Variants in CREBBP observed in about 807,000 individuals in gnomAD.
CREBBP encodes the protein CREB-binding protein.
Under a neutral mutation model 265.0 loss-of-function variants are expected in CREBBP, and 19 were observed. That is an observed-to-expected ratio of 0.07 (90% CI 0.05 to 0.11). CREBBP has a LOEUF of 0.11. CREBBP is among the 10% of genes least tolerant of loss of function. CREBBP has a pLI of 1.00. For synonymous variants in CREBBP, 1,457 were observed against 1,223.7 expected, an observed-to-expected ratio of 1.19 and a Z score of -3.98; for missense variants, 2,525 against 3,219.0, an observed-to-expected ratio of 0.78 and a Z score of 5.22.
chr16:3,879,710 T>C (rs2141614911), intron 1 of CREBBP, 122 bp downstream of exon 1: 1 of 1,057,704 alleles, frequency 9.5e-7, no homozygotes, highest in South Asian at 1.3e-5. Context: ...GGGAACGGGC[T>C]GCGGGGCCTG....
At chr16:3,741,520 T>C (rs573816393) in intron 23 of CREBBP, 3 of 152,354 alleles carry the variant, frequency 2.0e-5, no homozygotes, top group East Asian at 3.9e-4. Flanking sequence ...AAAAGAAAAA[T>C]GTGGCCGGGC....
intron 16 of CREBBP, among the ~76,000 whole-genome samples, chr16:3,761,990 G>A (rs2052730496): frequency 6.6e-6 from 1 of 152,194 alleles, no homozygotes; most frequent in East Asian, 1.9e-4. Flanking sequence ...ATTTCACATT[G>A]TTTAATGTTT....
At chr16:3,810,473 A>C in intron 3 of CREBBP, 130 bp downstream of exon 3, 1 of 1,059,774 alleles carries the variant, frequency 9.4e-7, no homozygotes, top group Non-Finnish European at 1.5e-6. Flanking sequence ...ACTCATGAGA[A>C]ATCTGGGTTC....
At chr16:3,757,181 G>T in intron 19 of CREBBP, 107 bp downstream of exon 19, 2 of 987,304 alleles carry the variant, frequency 2.0e-6, no homozygotes, top group Non-Finnish European at 3.2e-6. Flanking sequence ...GCCTGAAATT[G>T]GGCCACTTTT....
intron 16 of CREBBP, chr16:3,761,441 A>G (rs1262238448): frequency 2.1e-6 from 1 of 476,790 alleles, no homozygotes; most frequent in Non-Finnish European, 4.1e-6. Flanking sequence ...TCTGATTCCT[A>G]ACTGGTGAAA....
intron 3 of CREBBP, among the ~76,000 whole-genome samples, chr16:3,801,613 T>A (rs990153495): frequency 5.9e-5 from 9 of 152,036 alleles, no homozygotes; most frequent in African/African-American, 2.2e-4. Context: ...GAGGCGTCAG[T>A]GAGCAGAGAT....
chr16:3,827,676 C>G (rs1470818629), intron 2 of CREBBP, among the ~76,000 whole-genome samples: 2 of 152,132 alleles, frequency 1.3e-5, no homozygotes, highest in Non-Finnish European at 2.9e-5. Flanking sequence ...CAGGCATAAG[C>G]CACCATGCCT....
At chr16:3,738,255 T>C (rs189681797) in intron 26 of CREBBP, among the ~76,000 whole-genome samples, 1 of 150,050 alleles carries the variant, frequency 6.7e-6, no homozygotes, top group Non-Finnish European at 1.5e-5. Context: ...TAAAAACCAC[T>C]GAATCATATA....
intron 3 of CREBBP, among the ~76,000 whole-genome samples, chr16:3,805,775 G>A (rs1460733458): frequency 2.0e-5 from 3 of 152,168 alleles, no homozygotes; most frequent in Non-Finnish European, 4.4e-5. Flanking sequence ...CAATGCCAAT[G>A]GCTCATGGTG....
intron 3 of CREBBP, among the ~76,000 whole-genome samples, chr16:3,801,510 A>C (rs1465960169): frequency 6.6e-6 from 1 of 152,086 alleles, no homozygotes; most frequent in Admixed American, 6.5e-5. Context: ...TTCTACTAAA[A>C]ATATAAAAAA....
chr16:3,834,974 C>T (rs2054414724), intron 2 of CREBBP, among the ~76,000 whole-genome samples: 1 of 152,068 alleles, frequency 6.6e-6, no homozygotes, highest in Non-Finnish European at 1.5e-5. Context: ...CTGGCTAACA[C>T]GGTGAAACCC....
chr16:3,876,399 CAAAA>C (rs71133663), intron 1 of CREBBP, among the ~76,000 whole-genome samples: 1 of 18,164 alleles, frequency 5.5e-5, no homozygotes, highest in African/African-American at 1.8e-4. Context: ...TAAAGCTGAC[CAAAA>C]AAAAAAAAAA....
intron 3 of CREBBP, among the ~76,000 whole-genome samples, chr16:3,796,107 T>G (rs1273651719): frequency 6.6e-6 from 1 of 152,208 alleles, no homozygotes; most frequent in Non-Finnish European, 1.5e-5. Flanking sequence ...GTCCTCTCAC[T>G]GTGTCTTAAA....
At position 3,782,705 on chromosome 16, in the gene CREBBP, TCTG is replaced by T; in HGVS notation, c.1549_1551del (p.Gln517del). The T allele has an allele frequency of 2.5e-6, 4 of 1,614,128 alleles. No individual in the cohort carries two copies. Among genetic ancestry groups the T allele is most frequent in the Non-Finnish European group, 3.4e-6 (4 of 1,179,998 alleles). Reference sequence around the variant, plus strand: ...CTACCCAGGGGGTTGAGAGTCCTCATCTGCTGGTGGGTTTGAGGCTGTGCTGGT... The same window carrying T: ...CTACCCAGGGGGTTGAGAGTCCTCATCTGGTGGGTTTGAGGCTGTGCTGGT... On this transcript the variant is annotated inframe_deletion, in exon 6 of 31. Transcript: ENST00000262367.
rs2051712411 is a variant in CREBBP at position 3,725,249 on chromosome 16, T to C, written c.*2469A>G. 8.6e-6 allele frequency: 2 copies of C among 233,386 alleles called. No homozygotes were observed. Among genetic ancestry groups the C allele is most frequent in the African/African-American group, 2.2e-5 (1 of 45,360 alleles). 14.5% of individuals were successfully genotyped at this position (233,386 alleles called of 1,614,324 possible). A position where few individuals can be genotyped will look rare whatever the true frequency, so the allele number is the denominator to read the frequency against. Reference sequence around the variant, plus strand: ...GGGTTAGCATCCACAGACCATGCTCTCGGTCACATCCTTCGACATCTGGAT... The same window carrying C: ...GGGTTAGCATCCACAGACCATGCTCCCGGTCACATCCTTCGACATCTGGAT... On this transcript the variant is annotated 3_prime_UTR_variant, in exon 31 of 31. Coordinates refer to ENST00000262367, the MANE Select transcript of CREBBP (RefSeq NM_004380.3).
intron 2 of CREBBP, among the ~76,000 whole-genome samples, chr16:3,837,381 C>T (rs976150520): frequency 6.6e-6 from 1 of 152,064 alleles, no homozygotes; most frequent in African/African-American, 2.4e-5. Context: ...TTCGGGAGGC[C>T]GAGGCGGGCA....
intron 28 of CREBBP, among the ~76,000 whole-genome samples, chr16:3,734,984 C>T (rs977888790): frequency 6.6e-6 from 1 of 152,326 alleles, no homozygotes; most frequent in South Asian, 2.1e-4. Flanking sequence ...AATCGCCTGT[C>T]CCAAGTTCTG....
Position 3,731,863 on chromosome 16 carries a change from G to A in CREBBP, c.4803C>T (p.Ser1601=), listed in dbSNP as rs754454362. Reference sequence around the variant, plus strand: ...TGCTGGGCTTCTTCTTGTTGGCGCGGCTGATGCTGCTTTTGTTCTTGTTGG... The same window carrying A: ...TGCTGGGCTTCTTCTTGTTGGCGCGACTGATGCTGCTTTTGTTCTTGTTGG... ...KKTNKNKSSI[S]RANKKKPSMP... The change falls in exon 29 of 31, where the codon AGC becomes AGT. Residue 1601 remains serine (S), a synonymous_variant. Transcript: ENST00000262367. This position sits in a 1 kb window ranked among gnomAD's most constrained non-coding sequence, Gnocchi z 7.7. 6.2e-7 allele frequency: 1 copy of A among 1,614,278 alleles called. No individual in the cohort carries two copies. Among genetic ancestry groups the A allele is most frequent in the Non-Finnish European group, 8.5e-7 (1 of 1,180,056 alleles).
At chr16:3,846,214 T>C (rs1448112116) in intron 2 of CREBBP, among the ~76,000 whole-genome samples, 1 of 152,032 alleles carries the variant, frequency 6.6e-6, no homozygotes, top group African/African-American at 2.4e-5. Context: ...TTATGAACAA[T>C]CAGTAAAATA....
Sources: gnomAD v4.1 joint callset for allele counts (sites outside exome capture counted in the v4.1 genomes callset) on GRCh38, gnomAD v4.1.1 for gene constraint, Gnocchi (gnomAD v3.1) non-coding constraint, MANE v1.5 for transcripts, NCBI Gene and HGNC (gene_info 2026-07-23, HGNC 2026-07-21) for gene names.